RAB38: variants seen among roughly 807,000 people sequenced by gnomAD.
The protein encoded by RAB38 is RAB38, member RAS oncogene family.
Under a neutral mutation model 18.4 loss-of-function variants are expected in RAB38, and 15 were observed. That is an observed-to-expected ratio of 0.82 (90% CI 0.55 to 1.26). RAB38 has a LOEUF of 1.26. RAB38 is among the 50% of genes most tolerant of loss of function. RAB38 has a pLI of 0.00. For missense variants in RAB38, 294 were observed against 267.4 expected (o/e 1.10, Z -0.69); for synonymous variants, 101 against 104.4 (o/e 0.97, Z 0.20).
the RAB38 span, among the ~76,000 whole-genome samples, chr11:87,938,833 T>A: frequency 1.1e-4 from 17 of 151,986 alleles, no homozygotes; most frequent in African/African-American, 4.1e-4. Flanking sequence ...CTGAGGTCCC[T>A]AGCCGGTCTG....
the RAB38 span, among the ~76,000 whole-genome samples, chr11:87,915,134 A>C: frequency 6.6e-6 from 1 of 152,158 alleles, no homozygotes. Context: ...TGTAACCCCA[A>C]ATGGAAAAGT....
the RAB38 span, among the ~76,000 whole-genome samples, chr11:87,962,515 G>A: frequency 6.6e-6 from 1 of 152,142 alleles, no homozygotes; most frequent in African/African-American, 2.4e-5. Flanking sequence ...GGGCAGGGGG[G>A]AAGAAGGATA....
At chr11:87,878,751 G>A in the RAB38 span, among the ~76,000 whole-genome samples, 1 of 151,622 alleles carries the variant, frequency 6.6e-6, no homozygotes, top group Non-Finnish European at 1.5e-5. Flanking sequence ...ACTTACATCT[G>A]CAAAAGCAAT....
At chr11:88,065,921 T>C in the RAB38 span, among the ~76,000 whole-genome samples, 1 of 152,188 alleles carries the variant, frequency 6.6e-6, no homozygotes, top group East Asian at 1.9e-4. Flanking sequence ...GGCTTTTCGA[T>C]GGGAAGTTGG....
chr11:87,814,296 C>G, the RAB38 span, among the ~76,000 whole-genome samples: 1 of 152,064 alleles, frequency 6.6e-6, no homozygotes, highest in Admixed American at 6.5e-5. Flanking sequence ...CTATGTAATA[C>G]TAGGGATTTT....
chr11:88,004,776 A>T, the RAB38 span, among the ~76,000 whole-genome samples: 1 of 151,440 alleles, frequency 6.6e-6, no homozygotes, highest in East Asian at 1.9e-4. Context: ...AAAACCAGGA[A>T]GTGCATTTAG....
At chr11:87,904,146 A>G in the RAB38 span, among the ~76,000 whole-genome samples, 1 of 151,604 alleles carries the variant, frequency 6.6e-6, no homozygotes, top group African/African-American at 2.4e-5. Context: ...CCAGTTTGTT[A>G]TTGGGTATAC....
the RAB38 span, among the ~76,000 whole-genome samples, chr11:88,058,283 T>C: frequency 6.6e-6 from 1 of 152,008 alleles, no homozygotes; most frequent in Non-Finnish European, 1.5e-5. Context: ...TTATTTGCAA[T>C]GTAGAGATAG....
chr11:87,858,932 A>T, the RAB38 span, among the ~76,000 whole-genome samples: 1 of 149,252 alleles, frequency 6.7e-6, no homozygotes, highest in Non-Finnish European at 1.5e-5. Flanking sequence ...AGTCCAAAAA[A>T]CAAAAATAAA....
the RAB38 span, among the ~76,000 whole-genome samples, chr11:87,942,503 A>T: frequency 6.6e-6 from 1 of 152,266 alleles, no homozygotes; most frequent in East Asian, 1.9e-4. Context: ...GCCTGCTCTC[A>T]TGCTCACCTT....
chr11:87,865,793 T>A, the RAB38 span, among the ~76,000 whole-genome samples: 1 of 151,650 alleles, frequency 6.6e-6, no homozygotes, highest in Non-Finnish European at 1.5e-5. Context: ...GGTAAATATA[T>A]GACAGAAAGA....
the RAB38 span, among the ~76,000 whole-genome samples, chr11:87,805,333 TAC>T: frequency 1.3e-5 from 2 of 152,064 alleles, no homozygotes; most frequent in African/African-American, 2.4e-5. Flanking sequence ...TATTCACAGG[TAC>T]ACACACACAT....
the RAB38 span, among the ~76,000 whole-genome samples, chr11:88,012,539 G>A: frequency 5.9e-5 from 9 of 151,890 alleles, no homozygotes; most frequent in African/African-American, 2.2e-4. Context: ...TATTTTTCTG[G>A]CTTCTGGGTG....
intron 1 of RAB38, among the ~76,000 whole-genome samples, chr11:88,164,941 A>G (rs561766913): frequency 1.3e-5 from 2 of 152,166 alleles, no homozygotes; most frequent in East Asian, 3.9e-4. Flanking sequence ...TAATTTGTAA[A>G]CTAGAGACTT....
chr11:87,954,535 C>T, the RAB38 span, among the ~76,000 whole-genome samples: 2,746 of 152,150 alleles, frequency 0.018, 42 homozygotes, highest in Middle Eastern at 0.078. Context: ...TAAATGCACG[C>T]TAGAGAAGGA....
chr11:88,173,637 T>A (rs942143940), intron 1 of RAB38: 17 of 985,320 alleles, frequency 1.7e-5, no homozygotes, highest in Middle Eastern at 1.0e-3. Flanking sequence ...CGTTTCTAAA[T>A]CTGAATCCTG....
the RAB38 span, among the ~76,000 whole-genome samples, chr11:87,881,780 A>G: frequency 1.3e-5 from 2 of 151,764 alleles, no homozygotes; most frequent in Non-Finnish European, 2.9e-5. Context: ...TTATACCTTC[A>G]AAACCAAAAG....
At chr11:87,970,004 T>A in the RAB38 span, among the ~76,000 whole-genome samples, 1 of 151,796 alleles carries the variant, frequency 6.6e-6, no homozygotes, top group South Asian at 2.1e-4. Context: ...TCAGGTTCAG[T>A]AGGAAGAGTA....
At chr11:88,074,199 G>C in the RAB38 span, among the ~76,000 whole-genome samples, 2 of 152,092 alleles carry the variant, frequency 1.3e-5, no homozygotes, top group Admixed American at 6.6e-5. Flanking sequence ...ATAAAATTCT[G>C]AAGTTATAAA....
Sources: gnomAD v4.1 joint callset for allele counts (sites outside exome capture counted in the v4.1 genomes callset) on GRCh38, gnomAD v4.1.1 for gene constraint, MANE v1.5 for transcripts, NCBI Gene and HGNC (gene_info 2026-07-23, HGNC 2026-07-21) for gene names.